Variants in CHN2 observed in about 807,000 individuals in gnomAD.
CHN2 encodes the protein beta-chimaerin.
In CHN2, 35 loss-of-function variants were observed where a neutral mutation model predicts 56.3. That is an observed-to-expected ratio of 0.62 (90% CI 0.47 to 0.82). The LOEUF is 0.82. Among genes scored for constraint, CHN2 ranks in the 40% least tolerant of loss-of-function variants. CHN2 has a pLI of 0.00. For synonymous variants in CHN2, 210 were observed against 212.8 expected (o/e 0.99, Z 0.12); for missense variants, 491 against 580.5 (o/e 0.85, Z 1.58).
chr7:29,493,205 G>A (rs1788849942), intron 7 of CHN2, among the ~76,000 whole-genome samples: 1 of 152,068 alleles, frequency 6.6e-6, no homozygotes, highest in Non-Finnish European at 1.5e-5. Context: ...ACAGTATTTA[G>A]TAAAGTGACA....
chr7:29,319,768 G>C (rs1795209443), intron 1 of CHN2, among the ~76,000 whole-genome samples: 2 of 152,062 alleles, frequency 1.3e-5, no homozygotes, highest in Admixed American at 6.6e-5. Context: ...TGCAGTGTTG[G>C]GATTTTCTTA....
rs560137449 is a variant in CHN2 at position 29,426,433 on chromosome 7, T to A, written c.576+25605T>A. Among the ~76,000 whole-genome samples, 7 of 152,338 alleles carry A rather than the reference T, an allele frequency of 4.6e-5. No individual in the cohort carries two copies. In the South Asian group the frequency reaches 1.5e-3, roughly 32 times the overall value. On this transcript the variant is annotated intron_variant, in intron 6 of 12. Transcript: ENST00000222792. ...TTTTACGTATTTATTTTTGTTTGTA[T>A]AGGAGAACTTGCTGGCATTTAGGGT...
chr7:29,359,351 A>G (rs1204130959), intron 2 of CHN2, among the ~76,000 whole-genome samples: 2 of 152,186 alleles, frequency 1.3e-5, no homozygotes, highest in Non-Finnish European at 2.9e-5. Flanking sequence ...CAGCTCTCTC[A>G]ATATTTTATA....
At chr7:29,177,135 T>G (rs1193461782) in intron 2 of CHN2, among the ~76,000 whole-genome samples, 1 of 152,200 alleles carries the variant, frequency 6.6e-6, no homozygotes, top group Non-Finnish European at 1.5e-5. Context: ...CACTAAAAAA[T>G]TTACTCACTG....
intron 1 of CHN2, among the ~76,000 whole-genome samples, chr7:29,345,226 A>AC: frequency 6.6e-6 from 1 of 152,342 alleles, no homozygotes; most frequent in Middle Eastern, 3.4e-3. Context: ...AAAGTACCCA[A>AC]CAGGCTAAGG....
chr7:29,416,879 C>T (rs1803806364), intron 6 of CHN2, among the ~76,000 whole-genome samples: 1 of 152,178 alleles, frequency 6.6e-6, no homozygotes, highest in African/African-American at 2.4e-5. Context: ...GTAGTGATTG[C>T]TTTGATGCGA....
At chr7:29,487,262 C>T (rs1788128624) in intron 7 of CHN2, among the ~76,000 whole-genome samples, 1 of 151,676 alleles carries the variant, frequency 6.6e-6, no homozygotes, top group Non-Finnish European at 1.5e-5. Context: ...TCAGAAAAGG[C>T]TGTTTTGCCA....
At chr7:29,334,049 C>CTTTTTTTTTTTT (rs70980529) in intron 1 of CHN2, among the ~76,000 whole-genome samples, 1 of 123,138 alleles carries the variant, frequency 8.1e-6, no homozygotes, top group Non-Finnish European at 1.7e-5. Context: ...AATTTCTTTT[C>CTTTTTTTTTTTT]TTTTTTTTTT....
chr7:29,438,354 G>GT (rs1273345155), intron 6 of CHN2, among the ~76,000 whole-genome samples: 1 of 151,986 alleles, frequency 6.6e-6, no homozygotes, highest in Non-Finnish European at 1.5e-5. Context: ...TCAAAGGCTG[G>GT]TTTTTTTTCT....
chr7:29,390,358 C>G (rs536074852), intron 3 of CHN2, among the ~76,000 whole-genome samples: 2 of 152,138 alleles, frequency 1.3e-5, no homozygotes, highest in African/African-American at 4.8e-5. Flanking sequence ...ATGGCCGATC[C>G]GACAGCCGTC....
intron 1 of CHN2, among the ~76,000 whole-genome samples, chr7:29,251,888 CAT>C (rs1788547653): frequency 6.6e-6 from 1 of 152,132 alleles, no homozygotes. Flanking sequence ...GAGATTCAAA[CAT>C]GTAAAATAAG....
chr7:29,266,878 C>T (rs933351839), intron 1 of CHN2, among the ~76,000 whole-genome samples: 9 of 152,196 alleles, frequency 5.9e-5, no homozygotes, highest in Middle Eastern at 3.2e-3. Flanking sequence ...GAAACCTAGC[C>T]AGAAACCTAG....
intron 1 of CHN2, among the ~76,000 whole-genome samples, chr7:29,235,826 A>G (rs1181699013): frequency 6.6e-6 from 1 of 152,190 alleles, no homozygotes; most frequent in African/African-American, 2.4e-5. Flanking sequence ...TATAAGTGGG[A>G]GCTAAACACT....
chr7:29,504,047 T>TTG (rs1460601039), intron 9 of CHN2, among the ~76,000 whole-genome samples: 12 of 152,232 alleles, frequency 7.9e-5, no homozygotes, highest in Non-Finnish European at 1.8e-4. Flanking sequence ...CCTGCATCTG[T>TTG]TTGTATAATC....
At chr7:29,269,696 A>C (rs559149013) in intron 1 of CHN2, among the ~76,000 whole-genome samples, 1 of 152,338 alleles carries the variant, frequency 6.6e-6, no homozygotes, top group African/African-American at 2.4e-5. Context: ...TTAGCATTTT[A>C]ATCTTAAATT....
intron 1 of CHN2, among the ~76,000 whole-genome samples, chr7:29,301,485 C>G (rs1402991340): frequency 6.6e-6 from 1 of 151,938 alleles, no homozygotes; most frequent in Non-Finnish European, 1.5e-5. Context: ...CTGTTGTGTC[C>G]TGAACGCTGG....
chr7:29,307,887 A>G (rs1794294169), intron 1 of CHN2, among the ~76,000 whole-genome samples: 1 of 152,202 alleles, frequency 6.6e-6, no homozygotes, highest in Admixed American at 6.5e-5. Context: ...AATGAGACCT[A>G]TTTTGAATTT....
intron 6 of CHN2, among the ~76,000 whole-genome samples, chr7:29,478,980 G>A (rs1380901302): frequency 6.6e-6 from 1 of 152,146 alleles, no homozygotes; most frequent in South Asian, 2.1e-4. Flanking sequence ...TGCAGCATGG[G>A]GCCCTTGTTT....
intron 2 of CHN2, among the ~76,000 whole-genome samples, chr7:29,363,518 T>C (rs1178284933): frequency 6.6e-6 from 1 of 152,182 alleles, no homozygotes; most frequent in African/African-American, 2.4e-5. Flanking sequence ...CCATCTACTA[T>C]GTGCCAAGCA....
Sources: gnomAD v4.1 joint callset for allele counts (sites outside exome capture counted in the v4.1 genomes callset) on GRCh38, gnomAD v4.1.1 for gene constraint, MANE v1.5 for transcripts, NCBI Gene and HGNC (gene_info 2026-07-23, HGNC 2026-07-21) for gene names.